The following BROX variants were observed in gnomAD, a reference collection of about 807,000 sequenced individuals.
BROX encodes BRO1 domain-containing protein BROX.
In BROX, 53 loss-of-function variants were observed where a neutral mutation model predicts 61.0. The observed-to-expected ratio is 0.87, with a 90% CI of 0.70 to 1.09. The LOEUF is 1.09. BROX is among the 50% of genes least tolerant of loss of function. BROX has a pLI of 0.00. For missense variants in BROX, 489 were observed against 472.0 expected (o/e 1.04, Z -0.33); for synonymous variants, 152 against 160.2 (o/e 0.95, Z 0.38).
At chr1:222,717,431 G>A (rs1231345083) in intron 2 of BROX, among the ~76,000 whole-genome samples, 2 of 152,140 alleles carry the variant, frequency 1.3e-5, no homozygotes, top group Non-Finnish European at 2.9e-5. Flanking sequence ...CTCAAATTCT[G>A]TAATTTAAGA....
At chr1:222,725,801 C>T (rs1657457836) in intron 7 of BROX, among the ~76,000 whole-genome samples, 1 of 151,942 alleles carries the variant, frequency 6.6e-6, no homozygotes, top group Non-Finnish European at 1.5e-5. Context: ...TCCCAGCTTC[C>T]CACAAGGCTG....
rs2125044259 is a variant in BROX at position 222,731,467 on chromosome 1, C to T, written c.1100C>T (p.Pro367Leu). 6.2e-7 allele frequency: 1 copy of T among 1,602,836 alleles called. No homozygotes were observed. The highest frequency in any genetic ancestry group is 2.3e-5 in the East Asian group (1 of 44,264). ...CCTCCTACAAGTGTTCAGTGGACAC[C>T]AGAAACATTGGCTGCATTTGATCTC... ...EFPPTSVQWT[P>L]ETLAAFDLTK... Residue 367 changes from proline to leucine, a missense_variant, in exon 12 of 13, where the codon CCA becomes CTA. Physicochemically the swap from Pro to Leu is moderately conservative, Grantham distance 98. Transcript: ENST00000340934.
At chr1:222,724,929 G>C (rs371747943) in intron 6 of BROX, among the ~76,000 whole-genome samples, 1 of 152,050 alleles carries the variant, frequency 6.6e-6, no homozygotes, top group South Asian at 2.1e-4. Context: ...GAGTAGCTGG[G>C]ATTATAGGTG....
intron 10 of BROX, 30 bp from the exon 11 acceptor site, chr1:222,729,997 C>G: frequency 6.3e-7 from 1 of 1,579,072 alleles, no homozygotes; most frequent in Non-Finnish European, 8.6e-7. Flanking sequence ...TAATTATAAT[C>G]AAAAGACTTT....
Position 222,725,575 on chromosome 1 carries a change from A to G in BROX, c.580+20A>G. On this transcript the variant is annotated intron_variant, in intron 7 of 12. Coordinates refer to ENST00000340934, the MANE Select transcript of BROX (RefSeq NM_144695.4). ...AAGAAGGTATCCTAAATATTGTAAG[A>G]TTTTTTTAAATGAAAGTCTATATTG... is the stretch of plus-strand genomic sequence containing the variant. The G allele has an allele frequency of 6.5e-7, 1 of 1,540,892 alleles. No homozygotes were observed. The highest frequency in any genetic ancestry group is 8.8e-7 in the Non-Finnish European group (1 of 1,131,922).
chr1:222,719,334 G>T lies in BROX; in HGVS notation c.280G>T (p.Asp94Tyr). 1 of 1,609,508 alleles carries T rather than the reference G, an allele frequency of 6.2e-7. No homozygotes were observed. The highest frequency in any genetic ancestry group is 1.3e-5 in the African/African-American group (1 of 74,916). ...ATATATTCAAAATTTCAAGTGGACTGATACATTGCAAGGACAGGTTCCAAG... is the reference window on the plus strand; with the variant it reads ...ATATATTCAAAATTTCAAGTGGACTTATACATTGCAAGGACAGGTTCCAAG... ...LRYIQNFKWT[D>Y]TLQGQVPSAQ... Residue 94 changes from aspartate to tyrosine, a missense_variant, in exon 4 of 13, where the codon GAT becomes TAT. Physicochemically the swap from Asp to Tyr is radical, Grantham distance 160. Transcript: ENST00000340934.
At chr1:222,725,339 C>G in intron 6 of BROX, 111 bp from the exon 7 acceptor site, 1 of 638,860 alleles carries the variant, frequency 1.6e-6, no homozygotes, top group Non-Finnish European at 2.6e-6. Flanking sequence ...TGAATTTCTG[C>G]TAAGCCTCCC....
chr1:222,718,223 T>C (rs780393262), intron 2 of BROX: 1 of 152,126 alleles, frequency 6.6e-6, no homozygotes, highest in Admixed American at 6.6e-5. Context: ...CTGGAAAATT[T>C]AGTGTTATTG....
At chr1:222,726,762 G>A (rs966284273) in intron 7 of BROX, among the ~76,000 whole-genome samples, 1 of 151,972 alleles carries the variant, frequency 6.6e-6, no homozygotes, top group Admixed American at 6.6e-5. Context: ...GCATGCATGT[G>A]TAGTCTCAGC....
chr1:222,730,211 ATTATG>A, intron 11 of BROX, 34 bp downstream of exon 11: 1 of 1,314,228 alleles, frequency 7.6e-7, no homozygotes. Context: ...TAGTAATAAT[ATTATG>A]TTGATTTATG....
Position 222,728,742 on chromosome 1 carries a change from G to A in BROX, c.671-1G>A. 6.3e-7 allele frequency: 1 copy of A among 1,576,144 alleles called. No homozygotes were observed. Among genetic ancestry groups the A allele is most frequent in the Non-Finnish European group, 8.7e-7 (1 of 1,151,900 alleles). On this transcript the variant is annotated splice_acceptor_variant, in intron 8 of 12. Transcript: ENST00000340934. LOFTEE classifies it high-confidence loss of function. ...TTTTGCTTTTTAAAATGTAACTTTA[G>A]ATCATACTTTATCCAGTTTGGAGCC...
intron 4 of BROX, among the ~76,000 whole-genome samples, chr1:222,720,547 CACG>C (rs1657002721): frequency 6.6e-6 from 1 of 152,144 alleles, no homozygotes; most frequent in Admixed American, 6.5e-5. Flanking sequence ...CACAGTGGCT[CACG>C]CCTGTAATCC....
rs991718029 is a variant in BROX, at chr1:222,712,708, G to A, written c.-251G>A. The A allele has an allele frequency of 1.1e-5, 14 of 1,292,248 alleles. No homozygotes were observed. In the African/African-American group the frequency reaches 2.0e-4, roughly 18 times the overall value. 80.0% of individuals were successfully genotyped at this position (1,292,248 alleles called of 1,614,324 possible). A position where few individuals can be genotyped will look rare whatever the true frequency, so the allele number is the denominator to read the frequency against. On this transcript the variant is annotated 5_prime_UTR_variant, in exon 1 of 13. Coordinates refer to ENST00000340934, the MANE Select transcript of BROX (RefSeq NM_144695.4). Reference sequence around the variant, plus strand: ...GTTAGAAAGGGATGATGAACGAAGCGTTTTGAGGGGACTGCAACGCCGCGG... The same window carrying A: ...GTTAGAAAGGGATGATGAACGAAGCATTTTGAGGGGACTGCAACGCCGCGG...
chr1:222,722,668 T>C (rs1181738940), intron 5 of BROX, among the ~76,000 whole-genome samples, 154 bp downstream of exon 5: 1 of 152,200 alleles, frequency 6.6e-6, no homozygotes, highest in East Asian at 1.9e-4. Context: ...TTATGGCACC[T>C]AGCGTTAAGA....
Position 222,712,583 on chromosome 1 carries a change from T to G in BROX, c.-376T>G. Reference sequence around the variant, plus strand: ...CGCCCCACTGCGCCGAGGGCCGCCATCGCTATTGCGGCATTCTCCCTCGGC... The same window carrying G: ...CGCCCCACTGCGCCGAGGGCCGCCAGCGCTATTGCGGCATTCTCCCTCGGC... On this transcript the variant is annotated 5_prime_UTR_variant, in exon 1 of 13. Transcript: ENST00000340934. 1 of 1,365,956 alleles carries G rather than the reference T, an allele frequency of 7.3e-7. No individual in the cohort carries two copies. The allele number at this position is 1,365,956 out of a possible 1,614,324, so 84.6% of individuals were successfully genotyped here.
Position 222,727,189 on chromosome 1 carries a change from A to G in BROX, c.602A>G (p.Glu201Gly), listed in dbSNP as rs779434173. The change falls in exon 8 of 13, where the codon GAA becomes GGA. Residue 201 changes from glutamate (E) to glycine (G), a missense_variant. Glu to Gly is a moderately conservative substitution (Grantham distance 98). Transcript: ENST00000340934. The stretch of plus-strand genomic sequence containing the variant: ...ACAGTAACAATTGCTCGAGCAATTG[A>G]ACTAAAACATGCTCCTGGACTAATT... ...AQEVTIARAI[E>G]LKHAPGLIAA... The G allele has an allele frequency of 1.2e-6, 2 of 1,613,104 alleles. No individual in the cohort carries two copies. The highest frequency in any genetic ancestry group is 1.7e-5 in the Admixed American group (1 of 59,854).
intron 11 of BROX, among the ~76,000 whole-genome samples, chr1:222,730,974 G>T (rs183833436): frequency 2.0e-5 from 3 of 152,074 alleles, no homozygotes; most frequent in Admixed American, 2.0e-4. Context: ...CACCTTCTGT[G>T]TAGGTGGGTA....
intron 6 of BROX, among the ~76,000 whole-genome samples, chr1:222,724,806 T>C (rs1282407246): frequency 6.6e-6 from 1 of 152,174 alleles, no homozygotes; most frequent in African/African-American, 2.4e-5. Flanking sequence ...TGGGGTTTTT[T>C]TTCTTTGAGA....
At chr1:222,725,891 A>G (rs1657465560) in intron 7 of BROX, among the ~76,000 whole-genome samples, 1 of 152,208 alleles carries the variant, frequency 6.6e-6, no homozygotes. Flanking sequence ...ACCCTGAGCA[A>G]CAGTGTGAGA....
Sources: gnomAD v4.1 joint callset for allele counts (sites outside exome capture counted in the v4.1 genomes callset) on GRCh38, gnomAD v4.1.1 for gene constraint, MANE v1.5 for transcripts, NCBI Gene and HGNC (gene_info 2026-07-23, HGNC 2026-07-21) for gene names.